The following NRCAM variants were observed in gnomAD, a reference collection of about 807,000 sequenced individuals.
NRCAM encodes NgCAM-related cell adhesion molecule.
Under a neutral mutation model 156.5 loss-of-function variants are expected in NRCAM, and 83 were observed. That is an observed-to-expected ratio of 0.53 (90% CI 0.44 to 0.64). NRCAM has a LOEUF of 0.64. NRCAM is among the 30% of genes least tolerant of loss of function. The pLI, the probability that NRCAM is intolerant of heterozygous loss-of-function variation, is 0.00. For missense variants in NRCAM, 1,417 were observed against 1,597.3 expected (o/e 0.89, Z 1.92); for synonymous variants, 538 against 563.9 (o/e 0.95, Z 0.65).
chr7:108,161,594 T>C (rs969898621), intron 30 of NRCAM, among the ~76,000 whole-genome samples: 1 of 152,224 alleles, frequency 6.6e-6, no homozygotes, highest in African/African-American at 2.4e-5. Context: ...TTTGACTGAA[T>C]TTCTTCCGAA....
chr7:108,324,812 T>C (rs1233799776), intron 2 of NRCAM, among the ~76,000 whole-genome samples: 1 of 151,966 alleles, frequency 6.6e-6, no homozygotes, highest in Non-Finnish European at 1.5e-5. Flanking sequence ...TGCTGTTATG[T>C]CCATATTAAC....
intron 2 of NRCAM, among the ~76,000 whole-genome samples, chr7:108,364,029 G>T (rs980124405): frequency 6.6e-6 from 1 of 152,056 alleles, no homozygotes; most frequent in Non-Finnish European, 1.5e-5. Context: ...TAATAATAAT[G>T]TATTCATATT....
At chr7:108,446,166 T>C (rs755714109) in intron 1 of NRCAM, among the ~76,000 whole-genome samples, 2 of 152,170 alleles carry the variant, frequency 1.3e-5, no homozygotes, top group African/African-American at 2.4e-5. Flanking sequence ...GAGGAACTCT[T>C]TGGGGTCACA....
intron 3 of NRCAM, among the ~76,000 whole-genome samples, chr7:108,301,812 G>A (rs1409741604): frequency 1.3e-5 from 2 of 151,954 alleles, no homozygotes; most frequent in African/African-American, 2.4e-5. Flanking sequence ...GTATGATTTG[G>A]TGCATTCATT....
intron 3 of NRCAM, among the ~76,000 whole-genome samples, chr7:108,257,348 T>C (rs2096723143): frequency 1.3e-5 from 2 of 152,222 alleles, no homozygotes; most frequent in African/African-American, 4.8e-5. Flanking sequence ...ATATAAGTTA[T>C]ACTTCAAAAA....
At chr7:108,197,303 G>A (rs189454968) in intron 14 of NRCAM, among the ~76,000 whole-genome samples, 1 of 152,304 alleles carries the variant, frequency 6.6e-6, no homozygotes, top group East Asian at 1.9e-4. Flanking sequence ...CCAAGTATTG[G>A]TTGGCTTACT....
At position 108,194,074 on chromosome 7, in the gene NRCAM, G is replaced by A; in HGVS notation, c.1728C>T (p.Ser576=). Residue 576 remains serine (S), a synonymous_variant, in exon 17 of 33, where the codon TCC becomes TCT. Coordinates refer to ENST00000379028, the MANE Select transcript of NRCAM (RefSeq NM_001037132.4). ...ECKVKHDHTL[S]LTVLWLKDNR... is the part of the protein sequence containing the mutation. ...TGTCCTTCAGCCACAGGACAGTGAG[G>A]GATAAGGTGTGATCATGTTTCACTT... 6.2e-7 allele frequency: 1 copy of A among 1,614,156 alleles called. No homozygotes were observed. The highest frequency in any genetic ancestry group is 2.2e-5 in the East Asian group (1 of 44,886).
intron 3 of NRCAM, among the ~76,000 whole-genome samples, chr7:108,299,239 T>C (rs555354307): frequency 6.6e-6 from 1 of 150,432 alleles, no homozygotes; most frequent in African/African-American, 2.4e-5. Flanking sequence ...TATCAGTAAA[T>C]TTCTTCTGAG....
At chr7:108,267,842 T>C (rs942547338) in intron 3 of NRCAM, among the ~76,000 whole-genome samples, 4 of 152,210 alleles carry the variant, frequency 2.6e-5, no homozygotes, top group African/African-American at 9.7e-5. Flanking sequence ...TAAAGGTCAG[T>C]TCTTCCATGG....
intron 3 of NRCAM, among the ~76,000 whole-genome samples, chr7:108,256,833 C>T (rs183742457): frequency 1.2e-3 from 180 of 151,710 alleles, no homozygotes; most frequent in Admixed American, 2.9e-3. Context: ...CTGGCCAACA[C>T]GGCAGAACCC....
chr7:108,348,199 G>A (rs1198171441), intron 2 of NRCAM, among the ~76,000 whole-genome samples: 2 of 152,180 alleles, frequency 1.3e-5, no homozygotes, highest in Non-Finnish European at 2.9e-5. Flanking sequence ...GATTTAAGAT[G>A]TGATTTTCTT....
Position 108,180,301 on chromosome 7 carries a change from T to A in NRCAM, c.2773A>T (p.Thr925Ser). Residue 925 changes from threonine (T) to serine (S), a missense_variant, in exon 25 of 33, where the codon ACA (threonine) becomes TCA (serine). Coordinates refer to ENST00000379028, the MANE Select transcript of NRCAM (RefSeq NM_001037132.4). ...CCATTGACCACTCGGACATTCAGTGTGTAGTGGCTAAAGGGCTCTAGCCCC... is the reference window on the plus strand; with the variant it reads ...CCATTGACCACTCGGACATTCAGTGAGTAGTGGCTAAAGGGCTCTAGCCCC... ...LPGLEPFSHY[T>S]LNVRVVNGKG... The A allele has an allele frequency of 6.2e-7, 1 of 1,614,232 alleles. No individual in the cohort carries two copies. The highest frequency in any genetic ancestry group is 8.5e-7 in the Non-Finnish European group (1 of 1,180,036).
At chr7:108,281,795 AAC>A (rs2097868690) in intron 3 of NRCAM, among the ~76,000 whole-genome samples, 1 of 152,246 alleles carries the variant, frequency 6.6e-6, no homozygotes, top group Non-Finnish European at 1.5e-5. Context: ...CTTGGCTGCG[AAC>A]ACAGTTGGAA....
At position 108,189,725 on chromosome 7, in the gene NRCAM, T is replaced by C; in HGVS notation, c.1955A>G (p.Asp652Gly). The C allele has an allele frequency of 6.6e-7, 1 of 1,518,104 alleles. No individual in the cohort carries two copies. The highest frequency in any genetic ancestry group is 2.3e-5 in the East Asian group (1 of 44,106). 94.0% of individuals were successfully genotyped at this position (1,518,104 alleles called of 1,614,324 possible). The change falls in exon 20 of 33, where the codon GAC becomes GGC. Residue 652 changes from aspartate (D) to glycine (G), a missense_variant. Around this residue, in one of 2 missense-constraint regions of NRCAM, gnomAD observed 1,238 missense variants for 1,336.4 expected, o/e 0.93. Transcript: ENST00000379028. ...GTCAAGTTGATCTGTCAGTTCTAAG[T>C]CAAAGGGAGGATTTGGGACATCTGT... ...PVYDVPNPPF[D>G]LELTDQLDKS... is the part of the protein sequence containing the mutation.
chr7:108,345,889 C>T (rs1036781593), intron 2 of NRCAM, among the ~76,000 whole-genome samples: 1 of 152,226 alleles, frequency 6.6e-6, no homozygotes, highest in African/African-American at 2.4e-5. Flanking sequence ...AGGCCTAGAA[C>T]AATGGGTGTC....
intron 2 of NRCAM, among the ~76,000 whole-genome samples, chr7:108,364,187 T>C (rs989041722): frequency 2.0e-5 from 3 of 152,180 alleles, no homozygotes; most frequent in East Asian, 3.8e-4. Context: ...ATTTAAAAGA[T>C]GGGCAAAGGA....
intron 13 of NRCAM, among the ~76,000 whole-genome samples, chr7:108,200,769 C>T (rs2077542444): frequency 6.9e-6 from 1 of 145,780 alleles, no homozygotes; most frequent in Admixed American, 6.8e-5. Flanking sequence ...CACACACACA[C>T]ACACACACAC....
chr7:108,443,931 G>C (rs13222517), intron 1 of NRCAM, among the ~76,000 whole-genome samples: 42 of 116,454 alleles, frequency 3.6e-4, no homozygotes, highest in South Asian at 1.3e-3. Context: ...TACATACATA[G>C]ATACAGGTGT....
chr7:108,195,901 ATAT>A, intron 14 of NRCAM, 29 bp from the exon 15 acceptor site: 1 of 1,324,194 alleles, frequency 7.6e-7, no homozygotes, highest in Non-Finnish European at 1.1e-6. Flanking sequence ...GGTAAAGTAA[ATAT>A]TAGAATACAT....
Sources: gnomAD v4.1 joint callset for allele counts (sites outside exome capture counted in the v4.1 genomes callset) on GRCh38, gnomAD v4.1.1 for gene constraint, gnomAD v4.1.1 regional missense constraint, MANE v1.5 for transcripts, NCBI Gene and HGNC (gene_info 2026-07-23, HGNC 2026-07-21) for gene names.